RIT2: variants seen among roughly 807,000 people sequenced by gnomAD.
RIT2 encodes Ras like without CAAX 2.
RIT2 carries 24 observed loss-of-function variants against 23.7 expected under a neutral mutation model. The observed-to-expected ratio is 1.01, with a 90% CI of 0.73 to 1.43. The LOEUF is 1.43. Ranked by LOEUF, RIT2 falls within the 40% of genes most tolerant of loss-of-function variation. The pLI is 0.00. For synonymous variants in RIT2, 107 were observed against 91.1 expected (o/e 1.17, Z -0.99); for missense variants, 236 against 266.9 (o/e 0.88, Z 0.81).
At chr18:42,934,210 T>C in intron 3 of RIT2, among the ~76,000 whole-genome samples, 1 of 150,778 alleles carries the variant, frequency 6.6e-6, no homozygotes, top group African/African-American at 2.5e-5. Flanking sequence ...ATTTCAACTC[T>C]TTGCAGTAAC....
intron 1 of RIT2, among the ~76,000 whole-genome samples, chr18:43,074,574 CT>C (rs1598772193): frequency 6.6e-6 from 1 of 152,058 alleles, no homozygotes; most frequent in South Asian, 2.1e-4. Context: ...TGCCTTATGA[CT>C]TTTTTTAAGA....
chr18:42,780,050 T>TG (rs1913772155), intron 4 of RIT2, among the ~76,000 whole-genome samples: 1 of 126,282 alleles, frequency 7.9e-6, no homozygotes, highest in Non-Finnish European at 1.7e-5. Context: ...TTTAGAGGTT[T>TG]TTTTTTTTTT....
At chr18:43,064,328 A>G (rs1031455933) in intron 1 of RIT2, among the ~76,000 whole-genome samples, 4 of 152,226 alleles carry the variant, frequency 2.6e-5, no homozygotes, top group Admixed American at 2.6e-4. Context: ...AGTAATGCAT[A>G]GCCTTTTCAG....
intron 3 of RIT2, among the ~76,000 whole-genome samples, chr18:42,957,622 A>G (rs1910002980): frequency 6.6e-6 from 1 of 152,100 alleles, no homozygotes; most frequent in Admixed American, 6.6e-5. Flanking sequence ...TGTCTCTACT[A>G]AAAATGCAAA....
chr18:43,083,453 A>C (rs187061703), intron 1 of RIT2, among the ~76,000 whole-genome samples: 1 of 152,144 alleles, frequency 6.6e-6, no homozygotes, highest in East Asian at 1.9e-4. Flanking sequence ...TAAAGCTGGA[A>C]ACATCACGCT....
chr18:43,080,111 C>T (rs1245190478), intron 1 of RIT2, among the ~76,000 whole-genome samples: 2 of 152,172 alleles, frequency 1.3e-5, no homozygotes, highest in Non-Finnish European at 2.9e-5. Flanking sequence ...TTATTAGTAA[C>T]TAAGACCTCT....
At chr18:42,757,150 G>A (rs961563593) in intron 4 of RIT2, among the ~76,000 whole-genome samples, 2 of 152,130 alleles carry the variant, frequency 1.3e-5, no homozygotes, top group Non-Finnish European at 2.9e-5. Context: ...TACTACAGAA[G>A]AAACCCTCCA....
chr18:42,941,245 T>C (rs1350843646), intron 3 of RIT2, among the ~76,000 whole-genome samples: 2 of 152,000 alleles, frequency 1.3e-5, no homozygotes, highest in Admixed American at 6.6e-5. Flanking sequence ...AGGAAGAAAA[T>C]AGACTGGCTG....
At chr18:42,919,585 G>T (rs1909001732) in intron 4 of RIT2, among the ~76,000 whole-genome samples, 1 of 151,986 alleles carries the variant, frequency 6.6e-6, no homozygotes, top group Non-Finnish European at 1.5e-5. Context: ...ATGATGGTGG[G>T]CACCTGTAAT....
At chr18:42,801,972 A>AC (rs1479500344) in intron 4 of RIT2, among the ~76,000 whole-genome samples, 2 of 152,180 alleles carry the variant, frequency 1.3e-5, no homozygotes, top group African/African-American at 4.8e-5. Context: ...GAGTCATGGG[A>AC]CTTTTTCTGT....
chr18:42,931,612 T>C (rs939975794), intron 3 of RIT2, among the ~76,000 whole-genome samples: 1 of 152,112 alleles, frequency 6.6e-6, no homozygotes, highest in Non-Finnish European at 1.5e-5. Context: ...CATGACCGCC[T>C]CTGGGGGGTA....
intron 1 of RIT2, among the ~76,000 whole-genome samples, chr18:43,058,646 G>A (rs1417927454): frequency 6.6e-6 from 1 of 152,000 alleles, no homozygotes; most frequent in East Asian, 1.9e-4. Context: ...CAGCACTTTG[G>A]GAGGCCAAGA....
At position 42,915,151 on chromosome 18, in the gene RIT2, TACACACAC is replaced by T. The variant is rs71918963; in HGVS notation, c.426+8413_426+8420del. Among the ~76,000 whole-genome samples, 370 of 145,908 alleles carry T rather than the reference TACACACAC, an allele frequency of 2.5e-3. 3 individuals are homozygous for T. The highest frequency in any genetic ancestry group is 7.9e-3 in the African/African-American group (312 of 39,528). ...GCACCTACATCTATACATATAATTA[TACACACAC>T]ACACACACACACACACACACACACA... is the stretch of plus-strand genomic sequence containing the variant. On this transcript the variant is annotated intron_variant, in intron 4 of 4. Coordinates refer to ENST00000326695, the MANE Select transcript of RIT2 (RefSeq NM_002930.4).
At chr18:42,750,103 C>T (rs146548245) in intron 4 of RIT2, among the ~76,000 whole-genome samples, 2 of 151,840 alleles carry the variant, frequency 1.3e-5, no homozygotes, top group East Asian at 1.9e-4. Flanking sequence ...TGAAAGAAAT[C>T]AGACCTAAGG....
At chr18:42,810,706 G>T (rs980219899) in intron 4 of RIT2, among the ~76,000 whole-genome samples, 1 of 151,814 alleles carries the variant, frequency 6.6e-6, no homozygotes, top group African/African-American at 2.4e-5. Flanking sequence ...AATTTTCTTG[G>T]CTTTCTTCAA....
chr18:42,990,085 C>T (rs1910806093), intron 2 of RIT2, among the ~76,000 whole-genome samples: 1 of 151,544 alleles, frequency 6.6e-6, no homozygotes, highest in African/African-American at 2.4e-5. Flanking sequence ...GCTAAATCCT[C>T]AGATCTGCAG....
intron 4 of RIT2, among the ~76,000 whole-genome samples, chr18:42,907,978 A>G (rs1908667744): frequency 6.6e-6 from 1 of 152,032 alleles, no homozygotes; most frequent in Non-Finnish European, 1.5e-5. Context: ...AAAAAAAAAA[A>G]TTAAGGCAAC....
intron 4 of RIT2, among the ~76,000 whole-genome samples, chr18:42,886,028 A>G (rs1477702131): frequency 6.6e-6 from 1 of 152,222 alleles, no homozygotes; most frequent in East Asian, 1.9e-4. Flanking sequence ...GTATTAATTC[A>G]GCAACCTTTA....
At chr18:42,771,507 C>T (rs1488798547) in intron 4 of RIT2, among the ~76,000 whole-genome samples, 1 of 152,094 alleles carries the variant, frequency 6.6e-6, no homozygotes, top group Non-Finnish European at 1.5e-5. Context: ...TATTTTACCT[C>T]TCTGAGCATC....
Sources: gnomAD v4.1 joint callset for allele counts (sites outside exome capture counted in the v4.1 genomes callset) on GRCh38, gnomAD v4.1.1 for gene constraint, MANE v1.5 for transcripts, NCBI Gene and HGNC (gene_info 2026-07-23, HGNC 2026-07-21) for gene names.